Variants in ERBB4 observed in about 807,000 individuals in gnomAD.
ERBB4 encodes receptor tyrosine-protein kinase erbB-4.
In ERBB4, 42 loss-of-function variants were observed where a neutral mutation model predicts 158.0. That is an observed-to-expected ratio of 0.27 (90% confidence interval 0.21 to 0.34). The LOEUF (loss-of-function observed/expected upper bound fraction) is 0.34. Ranked by LOEUF, ERBB4 falls within the 10% of genes least tolerant of loss-of-function variation. The pLI is 1.00. For synonymous variants in ERBB4, 583 were observed against 558.7 expected (o/e 1.04, Z -0.61); for missense variants, 1,333 against 1,624.1 (o/e 0.82, Z 3.08).
chr2:212,249,309 A>G (rs2084431871), intron 1 of ERBB4, among the ~76,000 whole-genome samples: 2 of 151,928 alleles, frequency 1.3e-5, no homozygotes, highest in African/African-American at 4.8e-5. Flanking sequence ...ATGTATGTAT[A>G]TGTGTGTATG....
At chr2:211,708,505 A>T (rs1379276565) in intron 9 of ERBB4, among the ~76,000 whole-genome samples, 1 of 152,150 alleles carries the variant, frequency 6.6e-6, no homozygotes, top group African/African-American at 2.4e-5. Flanking sequence ...GTTGCACAAC[A>T]TGCTGTGCTA....
At chr2:211,741,452 T>TATACACACAC (rs1553622686) in intron 5 of ERBB4, among the ~76,000 whole-genome samples, 2 of 143,208 alleles carry the variant, frequency 1.4e-5, no homozygotes, top group Non-Finnish European at 3.0e-5. Context: ...TATGTAGTTA[T>TATACACACAC]ACACACACAC....
intron 3 of ERBB4, among the ~76,000 whole-genome samples, chr2:211,841,916 G>A (rs1205907245): frequency 6.6e-6 from 1 of 151,994 alleles, no homozygotes; most frequent in Non-Finnish European, 1.5e-5. Context: ...GGATAATTCA[G>A]CAGTTAAAAT....
intron 3 of ERBB4, among the ~76,000 whole-genome samples, chr2:211,862,464 T>C (rs1042273456): frequency 1.3e-5 from 2 of 152,132 alleles, no homozygotes; most frequent in Admixed American, 6.5e-5. Context: ...GAGATTCCTG[T>C]TCAAACATAA....
At chr2:211,759,708 C>A (rs1034769005) in intron 4 of ERBB4, among the ~76,000 whole-genome samples, 3 of 151,704 alleles carry the variant, frequency 2.0e-5, no homozygotes, top group Admixed American at 6.6e-5. Flanking sequence ...GATTTTATTT[C>A]TAATAGATGT....
intron 3 of ERBB4, among the ~76,000 whole-genome samples, chr2:211,944,206 A>ATATATATATATATATATATATATAG (rs371912701): frequency 3.8e-5 from 4 of 104,038 alleles, no homozygotes; most frequent in South Asian, 2.8e-4. Context: ...TATACTATAT[A>ATATATATATATATATATATATATAG]TATATATACA....
intron 2 of ERBB4, among the ~76,000 whole-genome samples, chr2:212,063,327 T>C (rs1305072482): frequency 6.6e-6 from 1 of 152,114 alleles, no homozygotes; most frequent in African/African-American, 2.4e-5. Context: ...TTCAAAAATG[T>C]GTATATCATA....
At chr2:211,478,898 C>T (rs1430098747) in intron 20 of ERBB4, among the ~76,000 whole-genome samples, 1 of 152,070 alleles carries the variant, frequency 6.6e-6, no homozygotes, top group African/African-American at 2.4e-5. Flanking sequence ...ATTGAAACTC[C>T]TCAGGATGGT....
chr2:211,866,440 T>A (rs1310800582), intron 3 of ERBB4, among the ~76,000 whole-genome samples: 3 of 152,162 alleles, frequency 2.0e-5, no homozygotes, highest in African/African-American at 7.2e-5. Flanking sequence ...TAGAATCTAG[T>A]ATCAAAAATC....
At chr2:211,410,903 A>G (rs1024062976) in intron 25 of ERBB4, among the ~76,000 whole-genome samples, 1 of 152,122 alleles carries the variant, frequency 6.6e-6, no homozygotes, top group Non-Finnish European at 1.5e-5. Context: ...TGTTTTTTAA[A>G]TTTAATTTTG....
intron 1 of ERBB4, among the ~76,000 whole-genome samples, chr2:212,471,216 T>G (rs1689100481): frequency 1.3e-5 from 2 of 152,052 alleles, no homozygotes; most frequent in African/African-American, 4.8e-5. Flanking sequence ...TATCTTACAA[T>G]CCATTTCATA....
At chr2:211,890,613 A>G (rs1575326034) in intron 3 of ERBB4, among the ~76,000 whole-genome samples, 1 of 143,382 alleles carries the variant, frequency 7.0e-6, no homozygotes, top group East Asian at 2.1e-4. Context: ...AGACTGGCAA[A>G]TTGGATAAAG....
At chr2:211,523,977 G>C (rs1283584073) in intron 20 of ERBB4, among the ~76,000 whole-genome samples, 1 of 152,034 alleles carries the variant, frequency 6.6e-6, no homozygotes, top group Non-Finnish European at 1.5e-5. Context: ...GCTAGATACA[G>C]AATGTTGACA....
At chr2:211,467,707 T>C (rs2064728450) in intron 20 of ERBB4, among the ~76,000 whole-genome samples, 1 of 152,108 alleles carries the variant, frequency 6.6e-6, no homozygotes, top group African/African-American at 2.4e-5. Flanking sequence ...TTAGTTTAAG[T>C]GACAAACAAC....
chr2:211,676,058 G>T (rs2105947876), intron 13 of ERBB4, among the ~76,000 whole-genome samples: 1 of 152,102 alleles, frequency 6.6e-6, no homozygotes, highest in South Asian at 2.1e-4. Flanking sequence ...AACCAATTTA[G>T]AATGATGAGA....
chr2:211,420,487 A>T lies in ERBB4; in HGVS notation c.3089T>A (p.Ile1030Asn), dbSNP rs771316030. Reference sequence around the variant, plus strand: ...TCTGGAAGTATAGATGGGAGGTGGGATGTTGAAAGCCTGAGGGACCAAGTA... The same window carrying T: ...TCTGGAAGTATAGATGGGAGGTGGGTTGTTGAAAGCCTGAGGGACCAAGTA... ...EEYLVPQAFN[I>N]PPPIYTSRAR... Residue 1030 changes from isoleucine to asparagine, a missense_variant, in exon 25 of 28, where the codon ATC becomes AAC. This residue lies in a region of ERBB4 where 252 missense variants were observed against 241.3 expected (regional missense o/e 1.04). Coordinates refer to ENST00000342788, the MANE Select transcript of ERBB4 (RefSeq NM_005235.3). 1.2e-6 allele frequency: 2 copies of T among 1,612,688 alleles called. No homozygotes were observed. The highest frequency in any genetic ancestry group is 3.3e-5 in the Admixed American group (2 of 59,838).
intron 3 of ERBB4, among the ~76,000 whole-genome samples, chr2:211,870,121 A>C (rs1453986057): frequency 6.6e-6 from 1 of 152,130 alleles, no homozygotes; most frequent in Non-Finnish European, 1.5e-5. Flanking sequence ...ATACAACTCT[A>C]ATAGGTTTTG....
intron 3 of ERBB4, among the ~76,000 whole-genome samples, chr2:211,855,053 G>A (rs1267294312): frequency 1.3e-5 from 2 of 151,492 alleles, no homozygotes; most frequent in East Asian, 1.9e-4. Context: ...GGGCACATGA[G>A]GGTACTACAC....
At chr2:212,176,618 TC>T (rs1417319236) in intron 1 of ERBB4, among the ~76,000 whole-genome samples, 7 of 152,114 alleles carry the variant, frequency 4.6e-5, no homozygotes, top group African/African-American at 1.7e-4. Context: ...ATATTATGTC[TC>T]CCTTTTTCAC....
Sources: gnomAD v4.1 joint callset for allele counts (sites outside exome capture counted in the v4.1 genomes callset) on GRCh38, gnomAD v4.1.1 for gene constraint, gnomAD v4.1.1 regional missense constraint, MANE v1.5 for transcripts, NCBI Gene and HGNC (gene_info 2026-07-23, HGNC 2026-07-21) for gene names.